TNNI3K: variants seen among roughly 807,000 people sequenced by gnomAD.
TNNI3K encodes the protein serine/threonine-protein kinase TNNI3K.
TNNI3K carries 140 observed loss-of-function variants against 114.5 expected under a neutral mutation model. The observed-to-expected ratio is 1.22, with a 90% confidence interval of 1.07 to 1.41. The LOEUF (loss-of-function observed/expected upper bound fraction) is 1.41. Among genes scored for constraint, TNNI3K ranks in the 40% most tolerant of loss-of-function variants. TNNI3K has a pLI of 0.00. For synonymous variants in TNNI3K, 347 were observed against 347.5 expected, an observed-to-expected ratio of 1.00 and a Z score of 0.02; for missense variants, 1,125 against 1,007.6, an observed-to-expected ratio of 1.12 and a Z score of -1.58.
At chr1:74,495,146 T>A (rs1390264129) in intron 23 of TNNI3K, among the ~76,000 whole-genome samples, 2 of 152,204 alleles carry the variant, frequency 1.3e-5, no homozygotes, top group African/African-American at 4.8e-5. Flanking sequence ...GTTATGGAAC[T>A]CTGATAAGGG....
intron 23 of TNNI3K, among the ~76,000 whole-genome samples, chr1:74,530,672 A>G (rs1474669156): frequency 6.6e-6 from 1 of 151,934 alleles, no homozygotes; most frequent in African/African-American, 2.4e-5. Context: ...TGGGAAAATG[A>G]GGAAGTGAGG....
At chr1:74,364,991 G>A (rs1223961191) in intron 11 of TNNI3K, among the ~76,000 whole-genome samples, 1 of 152,042 alleles carries the variant, frequency 6.6e-6, no homozygotes, top group Non-Finnish European at 1.5e-5. Flanking sequence ...ACTAGCAATA[G>A]CAGCAATAGA....
intron 17 of TNNI3K, among the ~76,000 whole-genome samples, chr1:74,403,513 A>G (rs45569337): frequency 0.015 from 2,225 of 152,310 alleles, 60 homozygotes; most frequent in African/African-American, 0.051. Flanking sequence ...GGGGTTCAAT[A>G]GACATTTGAT....
intron 23 of TNNI3K, among the ~76,000 whole-genome samples, chr1:74,503,427 T>C (rs1347392524): frequency 6.6e-6 from 1 of 152,238 alleles, no homozygotes; most frequent in Non-Finnish European, 1.5e-5. Flanking sequence ...ATTGGAACAT[T>C]ATATTAGTAT....
At chr1:74,356,475 C>T (rs1234346201) in intron 11 of TNNI3K, among the ~76,000 whole-genome samples, 1 of 152,266 alleles carries the variant, frequency 6.6e-6, no homozygotes, top group African/African-American at 2.4e-5. Flanking sequence ...TTTCTGAAAT[C>T]TCAGGAGGCC....
intron 4 of TNNI3K, among the ~76,000 whole-genome samples, chr1:74,255,585 T>A (rs1158047185): frequency 2.0e-5 from 3 of 152,240 alleles, no homozygotes; most frequent in African/African-American, 4.8e-5. Flanking sequence ...TTAATCCTCA[T>A]ACATCTTTTT....
chr1:74,495,336 T>C (rs1322397840), intron 23 of TNNI3K, among the ~76,000 whole-genome samples: 1 of 152,210 alleles, frequency 6.6e-6, no homozygotes, highest in African/African-American at 2.4e-5. Context: ...TTAAAATGTG[T>C]CAAAATAGAA....
At chr1:74,307,017 T>C (rs1024579803) in intron 5 of TNNI3K, among the ~76,000 whole-genome samples, 6 of 152,238 alleles carry the variant, frequency 3.9e-5, no homozygotes, top group African/African-American at 1.4e-4. Flanking sequence ...CTTTAACCCA[T>C]CTTGAATTAA....
intron 9 of TNNI3K, among the ~76,000 whole-genome samples, chr1:74,349,513 T>C (rs1661211680): frequency 6.6e-6 from 1 of 152,206 alleles, no homozygotes; most frequent in Non-Finnish European, 1.5e-5. Flanking sequence ...ATTCCCTCTT[T>C]TTCTATTGAT....
chr1:74,346,782 C>T (rs1661020424), intron 9 of TNNI3K, among the ~76,000 whole-genome samples: 1 of 151,424 alleles, frequency 6.6e-6, no homozygotes, highest in African/African-American at 2.4e-5. Context: ...GCTAGAAGTC[C>T]AAGATCAAGG....
intron 17 of TNNI3K, among the ~76,000 whole-genome samples, chr1:74,431,997 A>C (rs1389205207): frequency 6.6e-6 from 1 of 152,154 alleles, no homozygotes; most frequent in Admixed American, 6.6e-5. Context: ...GCTGTTATCT[A>C]AAAAGCATTC....
At chr1:74,299,588 T>G (rs1658193469) in intron 5 of TNNI3K, among the ~76,000 whole-genome samples, 1 of 152,138 alleles carries the variant, frequency 6.6e-6, no homozygotes, top group Non-Finnish European at 1.5e-5. Context: ...CTCTTTATAT[T>G]ATCATAACTG....
chr1:74,274,015 C>G (rs1329764482), intron 5 of TNNI3K, among the ~76,000 whole-genome samples: 1 of 151,870 alleles, frequency 6.6e-6, no homozygotes, highest in Non-Finnish European at 1.5e-5. Flanking sequence ...ATCCCCTGTA[C>G]AGTTGAAAAT....
intron 4 of TNNI3K, among the ~76,000 whole-genome samples, chr1:74,269,234 T>A (rs538676566): frequency 6.6e-6 from 1 of 152,022 alleles, no homozygotes; most frequent in South Asian, 2.1e-4. Context: ...TTTAAGCTAC[T>A]GTATAGCAAT....
At chr1:74,517,482 T>C (rs146330098) in intron 23 of TNNI3K, among the ~76,000 whole-genome samples, 157 of 152,248 alleles carry the variant, frequency 1.0e-3, no homozygotes, top group African/African-American at 3.7e-3. Context: ...GGTAAATGGG[T>C]CAACTGAGCC....
chr1:74,259,887 A>G (rs1297103073), intron 4 of TNNI3K, among the ~76,000 whole-genome samples: 3 of 152,202 alleles, frequency 2.0e-5, no homozygotes, highest in Non-Finnish European at 4.4e-5. Flanking sequence ...TCAAGTTGGC[A>G]CCTAAAATTA....
At chr1:74,324,735 T>C (rs1659809704) in intron 5 of TNNI3K, among the ~76,000 whole-genome samples, 1 of 152,156 alleles carries the variant, frequency 6.6e-6, no homozygotes, top group African/African-American at 2.4e-5. Context: ...AAAGCTTTTA[T>C]TGGGTTCCAA....
intron 12 of TNNI3K, 96 bp from the exon 13 acceptor site, chr1:74,367,812 C>A: frequency 8.3e-7 from 1 of 1,203,796 alleles, no homozygotes; most frequent in Non-Finnish European, 1.2e-6. Context: ...GATAGTTTTA[C>A]TTCGTTTCGT....
At chr1:74,507,097 C>A (rs1189187402) in intron 23 of TNNI3K, among the ~76,000 whole-genome samples, 1 of 152,110 alleles carries the variant, frequency 6.6e-6, no homozygotes, top group East Asian at 1.9e-4. Flanking sequence ...ACATAGTGTG[C>A]TGATCGCAAG....
Sources: gnomAD v4.1 joint callset for allele counts (sites outside exome capture counted in the v4.1 genomes callset) on GRCh38, gnomAD v4.1.1 for gene constraint, MANE v1.5 for transcripts, NCBI Gene and HGNC (gene_info 2026-07-23, HGNC 2026-07-21) for gene names.